The following NID2 variants were observed in gnomAD, a reference collection of about 807,000 sequenced individuals.
The protein encoded by NID2 is nidogen 2, also known as nidogen-2.
NID2 carries 83 observed loss-of-function variants against 145.4 expected under a neutral mutation model. The ratio of observed to expected loss-of-function variants is 0.57; its 90% CI spans 0.48 to 0.69. The LOEUF is 0.69. NID2 is among the 30% of genes least tolerant of loss of function. The pLI, the probability that NID2 is intolerant of heterozygous loss-of-function variation, is 0.00. For missense variants in NID2, 1,807 were observed against 1,765.7 expected (o/e 1.02, Z -0.42); for synonymous variants, 739 against 701.3 (o/e 1.05, Z -0.85).
At chr14:52,011,366 T>C (rs1457892623) in intron 17 of NID2, among the ~76,000 whole-genome samples, 188 bp downstream of exon 17, 1 of 152,186 alleles carries the variant, frequency 6.6e-6, no homozygotes, top group Non-Finnish European at 1.5e-5. Context: ...AGGAATCACC[T>C]ATTTCATTCC....
intron 20 of NID2, 38 bp from the exon 21 acceptor site, chr14:52,005,887 A>T: frequency 1.4e-6 from 2 of 1,438,232 alleles, no homozygotes; most frequent in African/African-American, 3.1e-5. Context: ...AGGGACAGTC[A>T]TTTACTAGAT....
At position 52,030,648 on chromosome 14, in the gene NID2, G is replaced by GAGAA. The variant is rs113515391; in HGVS notation, c.2258-962_2258-959dup. 7.6e-3 allele frequency among the ~76,000 whole-genome samples: 1,141 copies of GAGAA among 149,156 alleles called. 25 individuals are homozygous for GAGAA. The highest frequency in any genetic ancestry group is 0.027 in the African/African-American group (1,071 of 40,330). On this transcript the variant is annotated intron_variant, in intron 9 of 21. Coordinates refer to ENST00000216286, the MANE Select transcript of NID2 (RefSeq NM_007361.4). Reference sequence around the variant, plus strand: ...AAAGAGAAAGAAAGAGAAAGAAAAAGAGAAAGAAAGAAAGAAAAAGAAAAG... The same window carrying GAGAA: ...AAAGAGAAAGAAAGAGAAAGAAAAAGAGAAAGAAAGAAAGAAAGAAAAAGAAAAG...
intron 12 of NID2, among the ~76,000 whole-genome samples, chr14:52,022,379 G>C (rs957718679): frequency 2.6e-5 from 4 of 152,170 alleles, no homozygotes; most frequent in Admixed American, 6.5e-5. Context: ...CCCTGAATTC[G>C]CAGTCCTGAC....
At chr14:52,013,568 CAG>C (rs1394944202) in intron 16 of NID2, among the ~76,000 whole-genome samples, 2 of 152,182 alleles carry the variant, frequency 1.3e-5, no homozygotes, top group South Asian at 2.1e-4. Flanking sequence ...ACAATGGAAT[CAG>C]ATGATTTTCC....
chr14:52,011,687 T>TG lies in NID2; in HGVS notation c.3421-5dup. 6.2e-7 allele frequency: 1 copy of TG among 1,614,174 alleles called. No homozygotes were observed. Among genetic ancestry groups the TG allele is most frequent in the Non-Finnish European group, 8.5e-7 (1 of 1,180,018 alleles). On this transcript the variant is annotated splice_polypyrimidine_tract_variant and splice_region_variant and intron_variant, in intron 16 of 21. Coordinates refer to ENST00000216286, the MANE Select transcript of NID2 (RefSeq NM_007361.4). ...CAATTCCCACGATTATGGAGCCCTTTGTGCATCAAATCATAGAATTAGAAG... is the reference window on the plus strand; with the variant it reads ...CAATTCCCACGATTATGGAGCCCTTTGGTGCATCAAATCATAGAATTAGAAG...
chr14:52,051,467 C>T (rs1892677414), intron 5 of NID2, among the ~76,000 whole-genome samples: 1 of 152,162 alleles, frequency 6.6e-6, no homozygotes, highest in Admixed American at 6.5e-5. Context: ...AGCACCAAAA[C>T]CATGTGCTTT....
rs781683296 is a variant in NID2, at chr14:52,028,707, G to A, written c.2530+15C>T. On this transcript the variant is annotated intron_variant, in intron 11 of 21. Coordinates refer to ENST00000216286, the MANE Select transcript of NID2 (RefSeq NM_007361.4). ...CACCATTTTGGCCACACAGGAAAAT[G>A]ATTTTGGAACTCACAGATGCAAGTA... 9.9e-6 allele frequency: 16 copies of A among 1,608,810 alleles called. No individual in the cohort carries two copies. The South Asian group carries it at 1.8e-4, about 18-fold the overall frequency.
chr14:52,047,896 C>A (rs145807365), intron 5 of NID2, among the ~76,000 whole-genome samples: 1 of 152,276 alleles, frequency 6.6e-6, no homozygotes, highest in African/African-American at 2.4e-5. Context: ...ATTCCAGAGA[C>A]CACTGCATCA....
intron 20 of NID2, 121 bp from the exon 21 acceptor site, chr14:52,005,970 C>T (rs1191721772): frequency 5.7e-6 from 4 of 702,138 alleles, no homozygotes; most frequent in Non-Finnish European, 1.0e-5. Context: ...TGTCCCAGGG[C>T]TGGTGCTAAA....
rs1489330500 is a variant in NID2 at position 52,007,818 on chromosome 14, G to A, written c.3872C>T (p.Ala1291Val). The A allele has an allele frequency of 6.2e-7, 1 of 1,613,564 alleles. No homozygotes were observed. The highest frequency in any genetic ancestry group is 8.5e-7 in the Non-Finnish European group (1 of 1,179,694). Residue 1291 changes from alanine to valine, a missense_variant, in exon 19 of 22, where the codon GCA (alanine) becomes GTA (valine). Coordinates refer to ENST00000216286, the MANE Select transcript of NID2 (RefSeq NM_007361.4). ...FDPFSKLLCW[A>V]DAGTKKLECT... is the part of the protein sequence containing the mutation. Reference sequence around the variant, plus strand: ...TCCATCAGTAGTATTACCTGCATCTGCCCAGCAGAGCAGTTTAGAGAAAGG... The same window carrying A: ...TCCATCAGTAGTATTACCTGCATCTACCCAGCAGAGCAGTTTAGAGAAAGG...
chr14:52,014,113 A>C, intron 16 of NID2, 174 bp downstream of exon 16: 4 of 766,710 alleles, frequency 5.2e-6, no homozygotes, highest in Non-Finnish European at 8.9e-6. Flanking sequence ...GACTCCCAGC[A>C]AGAGAGAGCC....
chr14:52,027,373 A>C, intron 11 of NID2, 29 bp from the exon 12 acceptor site: 3 of 1,498,312 alleles, frequency 2.0e-6, no homozygotes, highest in Non-Finnish European at 2.7e-6. Flanking sequence ...AAGGGCATCC[A>C]GAGTTTAGGC....
chr14:52,052,774 G>A (rs1444327533), intron 5 of NID2, among the ~76,000 whole-genome samples: 1 of 152,154 alleles, frequency 6.6e-6, no homozygotes, highest in African/African-American at 2.4e-5. Context: ...CCTATCAGAG[G>A]TCAGATGAGC....
intron 12 of NID2, among the ~76,000 whole-genome samples, chr14:52,026,312 G>C (rs895941058): frequency 1.3e-5 from 2 of 152,178 alleles, no homozygotes; most frequent in Admixed American, 1.3e-4. Flanking sequence ...GGGCCTGGGC[G>C]GATGGAGGCA....
chr14:52,005,527 T>C, intron 21 of NID2, 31 bp from the exon 22 acceptor site: 2 of 1,591,574 alleles, frequency 1.3e-6, no homozygotes, highest in Non-Finnish European at 1.7e-6. Context: ...TGGGACAGGG[T>C]GGTGGGTGAG....
At chr14:52,051,872 C>T (rs1892692776) in intron 5 of NID2, among the ~76,000 whole-genome samples, 1 of 152,148 alleles carries the variant, frequency 6.6e-6, no homozygotes, top group African/African-American at 2.4e-5. Context: ...GTTCATGCCC[C>T]ACAAGGGTTA....
intron 8 of NID2, 62 bp from the exon 9 acceptor site, chr14:52,039,039 G>A (rs1232766002): frequency 2.6e-6 from 3 of 1,175,746 alleles, no homozygotes; most frequent in East Asian, 2.6e-5. Flanking sequence ...CATGTGAGGT[G>A]GATTTTTCTG....
chr14:52,027,864 C>T, intron 11 of NID2, among the ~76,000 whole-genome samples: 1 of 151,978 alleles, frequency 6.6e-6, no homozygotes. Flanking sequence ...GCTGGGATTA[C>T]AGGCGTGAGC....
chr14:52,055,775 A>G (rs2140424921), intron 3 of NID2, among the ~76,000 whole-genome samples: 1 of 152,358 alleles, frequency 6.6e-6, no homozygotes, highest in African/African-American at 2.4e-5. Flanking sequence ...AAGTCAGTCA[A>G]TGAGGAATAA....
Sources: allele counts gnomAD v4.1 joint callset (sites outside exome capture counted in the v4.1 genomes callset), GRCh38; gene constraint gnomAD v4.1.1; transcripts MANE v1.5; gene names NCBI Gene and HGNC (gene_info 2026-07-23, HGNC 2026-07-21).